The following GRM1 variants were observed in gnomAD, a reference collection of about 807,000 sequenced individuals.
GRM1 encodes the protein metabotropic glutamate receptor 1.
GRM1 carries 33 observed loss-of-function variants against 90.9 expected under a neutral mutation model. The observed-to-expected ratio is 0.36, with a 90% confidence interval of 0.28 to 0.49. The LOEUF is 0.49. Ranked by LOEUF, GRM1 falls within the 20% of genes least tolerant of loss-of-function variation. The probability of loss-of-function intolerance (pLI) is 0.99; values close to 1 mark genes in which losing one functional copy is unlikely to be tolerated. For synonymous variants in GRM1, 700 were observed against 613.2 expected, an observed-to-expected ratio of 1.14 and a Z score of -2.09; for missense variants, 1,190 against 1,534.3, an observed-to-expected ratio of 0.78 and a Z score of 3.75.
intron 2 of GRM1, among the ~76,000 whole-genome samples, chr6:146,292,355 C>T (rs75792809): frequency 0.019 from 2,921 of 151,972 alleles, 39 homozygotes; most frequent in Admixed American, 0.028. Context: ...GAAAAGACAA[C>T]ATACAGAGTG....
intron 2 of GRM1, among the ~76,000 whole-genome samples, chr6:146,264,766 A>G (rs1781819085): frequency 6.6e-6 from 1 of 152,082 alleles, no homozygotes; most frequent in South Asian, 2.1e-4. Context: ...TAGCTCCTAC[A>G]TGTAAGTGAA....
At chr6:146,406,462 G>A (rs564310083) in intron 7 of GRM1, among the ~76,000 whole-genome samples, 6 of 152,290 alleles carry the variant, frequency 3.9e-5, no homozygotes, top group Admixed American at 2.6e-4. Context: ...AGCCTGGAAA[G>A]GAAGGTGTGT....
intron 2 of GRM1, among the ~76,000 whole-genome samples, chr6:146,258,076 A>C (rs1238201597): frequency 6.6e-6 from 1 of 152,076 alleles, no homozygotes; most frequent in South Asian, 2.1e-4. Context: ...CTGTTGTATG[A>C]GCAATTTTCT....
At chr6:146,287,646 A>G (rs902118909) in intron 2 of GRM1, among the ~76,000 whole-genome samples, 3 of 152,216 alleles carry the variant, frequency 2.0e-5, no homozygotes, top group Non-Finnish European at 4.4e-5. Flanking sequence ...TCATGTTTAC[A>G]ACATAAATTT....
chr6:146,155,977 C>T (rs9485046), intron 1 of GRM1, among the ~76,000 whole-genome samples: 16,688 of 152,154 alleles, frequency 0.11, 1,848 homozygotes, highest in African/African-American at 0.28. Context: ...GAATGGATGC[C>T]GGGAGGCCAA....
At chr6:146,305,715 G>A (rs968768090) in intron 3 of GRM1, among the ~76,000 whole-genome samples, 2 of 152,174 alleles carry the variant, frequency 1.3e-5, no homozygotes, top group African/African-American at 2.4e-5. Flanking sequence ...GAACAGTGGT[G>A]CGACATGTAT....
At chr6:146,280,118 A>G (rs1236771897) in intron 2 of GRM1, among the ~76,000 whole-genome samples, 1 of 151,970 alleles carries the variant, frequency 6.6e-6, no homozygotes, top group Admixed American at 6.6e-5. Flanking sequence ...TTGGACTTCA[A>G]TTATGTGCAC....
chr6:146,411,209 T>A (rs1298157503), intron 7 of GRM1, among the ~76,000 whole-genome samples: 1 of 152,070 alleles, frequency 6.6e-6, no homozygotes, highest in Admixed American at 6.5e-5. Context: ...AGTCCAAGAA[T>A]GCTGGAAATA....
chr6:146,104,147 G>A (rs1777141942), intron 1 of GRM1, among the ~76,000 whole-genome samples: 1 of 152,266 alleles, frequency 6.6e-6, no homozygotes, highest in Admixed American at 6.5e-5. Flanking sequence ...AGCTAAAGAA[G>A]GAGTGGTTGC....
chr6:146,411,882 G>T (rs1777582463), intron 7 of GRM1, among the ~76,000 whole-genome samples: 1 of 152,112 alleles, frequency 6.6e-6, no homozygotes, highest in Admixed American at 6.5e-5. Flanking sequence ...AAACATGACT[G>T]ATCTGGAAAA....
At chr6:146,229,005 T>C (rs1285470916) in intron 2 of GRM1, among the ~76,000 whole-genome samples, 1 of 151,994 alleles carries the variant, frequency 6.6e-6, no homozygotes, top group Non-Finnish European at 1.5e-5. Context: ...AGTATGAGGG[T>C]GAGGGTGTAG....
chr6:146,204,956 G>A (rs2114627217), intron 2 of GRM1, among the ~76,000 whole-genome samples: 1 of 152,288 alleles, frequency 6.6e-6, no homozygotes, highest in African/African-American at 2.4e-5. Context: ...GTTTCATAGG[G>A]TCCTTGAATT....
At position 146,169,341 on chromosome 6, in the gene GRM1, T is replaced by A. The variant is rs75715248; in HGVS notation, c.950+9744T>A. Among the ~76,000 whole-genome samples the A allele has an allele frequency of 9.5e-3, 1,442 of 152,318 alleles. 16 individuals are homozygous for A. The highest frequency in any genetic ancestry group is 0.031 in the African/African-American group (1,308 of 41,566). On this transcript the variant is annotated intron_variant, in intron 2 of 7. Transcript: ENST00000282753. ...CTTCTGGGATATATAAAAACATATTTAGAGTAGTTGTTTTAATGTCCTTCT... is the reference window on the plus strand; with the variant it reads ...CTTCTGGGATATATAAAAACATATTAAGAGTAGTTGTTTTAATGTCCTTCT...
chr6:146,361,766 C>T (rs1038216271), intron 5 of GRM1, among the ~76,000 whole-genome samples: 6 of 152,212 alleles, frequency 3.9e-5, no homozygotes, highest in African/African-American at 1.4e-4. Context: ...GGCTTGGAGC[C>T]AGCTCAAAGC....
At chr6:146,067,022 A>T (rs761599085) in intron 1 of GRM1, among the ~76,000 whole-genome samples, 67 of 152,206 alleles carry the variant, frequency 4.4e-4, no homozygotes, top group Non-Finnish European at 7.8e-4. Context: ...TAACCACATA[A>T]GTATAATCCA....
At chr6:146,263,802 T>A (rs1314357979) in intron 2 of GRM1, among the ~76,000 whole-genome samples, 1 of 152,092 alleles carries the variant, frequency 6.6e-6, no homozygotes, top group Admixed American at 6.5e-5. Flanking sequence ...ATTTCATTTA[T>A]AGTTGGATCT....
intron 6 of GRM1, among the ~76,000 whole-genome samples, chr6:146,388,563 A>G (rs1392612012): frequency 6.6e-6 from 1 of 152,112 alleles, no homozygotes; most frequent in East Asian, 1.9e-4. Context: ...AAGCTTTTGT[A>G]AGTCACCTAG....
chr6:146,331,938 T>A (rs1254707587), intron 3 of GRM1, among the ~76,000 whole-genome samples: 6 of 152,158 alleles, frequency 3.9e-5, no homozygotes. Context: ...TGTGATAGTT[T>A]GGGAATCCGA....
intron 1 of GRM1, among the ~76,000 whole-genome samples, chr6:146,149,838 A>G (rs980057863): frequency 6.6e-6 from 1 of 152,204 alleles, no homozygotes; most frequent in Non-Finnish European, 1.5e-5. Flanking sequence ...AAGCTGGAAC[A>G]GAGGTGAGGC....
Sources: allele counts gnomAD v4.1 joint callset (sites outside exome capture counted in the v4.1 genomes callset), GRCh38; gene constraint gnomAD v4.1.1; transcripts MANE v1.5; gene names NCBI Gene and HGNC (gene_info 2026-07-23, HGNC 2026-07-21).